Variants in ITGA9 observed in about 807,000 individuals in gnomAD.
ITGA9 encodes integrin subunit alpha 9, also known as integrin alpha-9.
A neutral mutation model predicts 127.8 loss-of-function variants in ITGA9; 56 were observed. That is an observed-to-expected ratio of 0.44 (90% confidence interval 0.35 to 0.55). The LOEUF (loss-of-function observed/expected upper bound fraction) is 0.55, where lower values mean the gene tolerates loss of function less well. ITGA9 is among the 20% of genes least tolerant of loss of function. ITGA9 has a pLI of 0.00. For synonymous variants in ITGA9, 508 were observed against 514.5 expected (o/e 0.99, Z 0.17); for missense variants, 1,196 against 1,347.1 (o/e 0.89, Z 1.76).
intron 17 of ITGA9, among the ~76,000 whole-genome samples, chr3:37,660,140 G>T (rs1325600210): frequency 6.6e-6 from 1 of 152,160 alleles, no homozygotes; most frequent in Non-Finnish European, 1.5e-5. Context: ...TCATGGCATG[G>T]ATATTAGAAT....
At chr3:37,676,087 C>T (rs1411341405) in intron 17 of ITGA9, among the ~76,000 whole-genome samples, 3 of 152,132 alleles carry the variant, frequency 2.0e-5, no homozygotes, top group Non-Finnish European at 2.9e-5. Context: ...TTCCCCTGGA[C>T]GTCTACTTCA....
chr3:37,600,633 C>G (rs1480430945), intron 15 of ITGA9, among the ~76,000 whole-genome samples: 3 of 152,144 alleles, frequency 2.0e-5, no homozygotes, highest in Non-Finnish European at 4.4e-5. Flanking sequence ...CTCAAGAAGC[C>G]CTTACGGATG....
chr3:37,719,178 T>G (rs73052920), intron 18 of ITGA9, among the ~76,000 whole-genome samples: 3,505 of 152,188 alleles, frequency 0.023, 56 homozygotes, highest in Non-Finnish European at 0.035. Flanking sequence ...AAGAGGAGAT[T>G]GGAGCTGACC....
At chr3:37,581,937 G>C (rs1285632395) in intron 15 of ITGA9, among the ~76,000 whole-genome samples, 1 of 152,162 alleles carries the variant, frequency 6.6e-6, no homozygotes, top group African/African-American at 2.4e-5. Context: ...ACCACTTTGA[G>C]AAACACTGTC....
At chr3:37,460,977 G>A (rs1190919272) in intron 1 of ITGA9, among the ~76,000 whole-genome samples, 1 of 152,056 alleles carries the variant, frequency 6.6e-6, no homozygotes, top group Non-Finnish European at 1.5e-5. Flanking sequence ...AGGCCACCTG[G>A]GAGATGGCCT....
intron 2 of ITGA9, among the ~76,000 whole-genome samples, chr3:37,472,823 C>T (rs1452916267): frequency 6.6e-6 from 1 of 152,098 alleles, no homozygotes; most frequent in African/African-American, 2.4e-5. Flanking sequence ...TAAATCAAGG[C>T]CCTGCCTCTT....
At chr3:37,699,611 C>G (rs1175234031) in intron 18 of ITGA9, among the ~76,000 whole-genome samples, 2 of 152,206 alleles carry the variant, frequency 1.3e-5, no homozygotes, top group Non-Finnish European at 2.9e-5. Context: ...CTCTTACACT[C>G]CTCCTCTTAC....
In ITGA9 at chr3:37,741,829, C is replaced by T. The variant is rs560241059; in HGVS notation, c.2324+10C>T. The T allele has an allele frequency of 1.4e-5, 22 of 1,609,570 alleles. No individual in the cohort carries two copies. The South Asian group carries it at 2.2e-4, about 16-fold the overall frequency. On this transcript the variant is annotated intron_variant, in intron 21 of 27. Coordinates refer to ENST00000264741, the MANE Select transcript of ITGA9 (RefSeq NM_002207.3). ...ACACGTCCATCACCGGGTGAGTAGC[C>T]TGGTCCTGGGTTGCCACAACACAGG...
chr3:37,506,170 A>T, intron 7 of ITGA9, 85 bp downstream of exon 7: 1 of 996,110 alleles, frequency 1.0e-6, no homozygotes. Context: ...GCCAGCTGAC[A>T]TTGACCTGAA....
intron 16 of ITGA9, among the ~76,000 whole-genome samples, chr3:37,639,772 C>G (rs575527058): frequency 6.6e-6 from 1 of 152,216 alleles, no homozygotes; most frequent in South Asian, 2.1e-4. Flanking sequence ...TGATACCCCC[C>G]AGAGAGTTGA....
At chr3:37,622,152 T>C (rs553579799) in intron 15 of ITGA9, among the ~76,000 whole-genome samples, 4,133 of 150,642 alleles carry the variant, frequency 0.027, 67 homozygotes, top group Non-Finnish European at 0.042. Flanking sequence ...TTTTTTTTTT[T>C]CCCCGGCTCA....
At chr3:37,802,260 A>C (rs1697244143) in intron 26 of ITGA9, among the ~76,000 whole-genome samples, 1 of 152,204 alleles carries the variant, frequency 6.6e-6, no homozygotes, top group Admixed American at 6.5e-5. Context: ...AATATTCAAT[A>C]AGTGTTAGAG....
chr3:37,526,924 G>A (rs910942878), intron 13 of ITGA9, among the ~76,000 whole-genome samples: 1 of 152,218 alleles, frequency 6.6e-6, no homozygotes, highest in Non-Finnish European at 1.5e-5. Flanking sequence ...TGCCCCATGA[G>A]TGGGAGCCCA....
rs374715566 is a variant in ITGA9 at position 37,670,544 on chromosome 3, C to A, written c.1917-13321C>A. Among the ~76,000 whole-genome samples, 136 of 152,278 alleles carry A rather than the reference C, an allele frequency of 8.9e-4. No individual in the cohort carries two copies. The South Asian group carries it at 0.028, about 31-fold the overall frequency. ...AATTATGAATGTAGGAAACAGACTA[C>A]AGTAATATTACCAGGACCTGTGACT... On this transcript the variant is annotated intron_variant, in intron 17 of 27. Coordinates refer to ENST00000264741, the MANE Select transcript of ITGA9 (RefSeq NM_002207.3).
At chr3:37,787,091 C>G (rs1471499153) in intron 26 of ITGA9, among the ~76,000 whole-genome samples, 1 of 152,196 alleles carries the variant, frequency 6.6e-6, no homozygotes, top group African/African-American at 2.4e-5. Flanking sequence ...ACTGCTAATT[C>G]AGACCTCCAC....
chr3:37,817,313 T>C (rs1425594013), intron 27 of ITGA9, among the ~76,000 whole-genome samples: 1 of 152,216 alleles, frequency 6.6e-6, no homozygotes, highest in East Asian at 1.9e-4. Context: ...GATGATACCA[T>C]GGTACCACAA....
chr3:37,512,135 TTTTC>T (rs1559524858), intron 8 of ITGA9, among the ~76,000 whole-genome samples: 4 of 11,598 alleles, frequency 3.4e-4, no homozygotes, highest in Admixed American at 1.4e-3. Context: ...TTTTCTTTTC[TTTTC>T]TTTTCTTTTC....
At chr3:37,511,972 T>A (rs913251452) in intron 8 of ITGA9, among the ~76,000 whole-genome samples, 2 of 12,840 alleles carry the variant, frequency 1.6e-4, no homozygotes, top group Non-Finnish European at 4.6e-4. Context: ...CTCTTTCTTT[T>A]CTTTTCTTTT....
chr3:37,800,729 C>T (rs1697226858), intron 26 of ITGA9, among the ~76,000 whole-genome samples: 1 of 152,172 alleles, frequency 6.6e-6, no homozygotes, highest in African/African-American at 2.4e-5. Context: ...TTTTTAATAA[C>T]CCCAAGCTGG....
Sources: allele counts gnomAD v4.1 joint callset (sites outside exome capture counted in the v4.1 genomes callset), GRCh38; gene constraint gnomAD v4.1.1; transcripts MANE v1.5; gene names NCBI Gene and HGNC (gene_info 2026-07-23, HGNC 2026-07-21).